EPHA6: variants seen among roughly 807,000 people sequenced by gnomAD.
EPHA6 encodes ephrin type-A receptor 6.
In EPHA6, 50 loss-of-function variants were observed where a neutral mutation model predicts 112.0. That is an observed-to-expected ratio of 0.45 (90% CI 0.36 to 0.56). The LOEUF (loss-of-function observed/expected upper bound fraction) is 0.56. EPHA6 is among the 20% of genes least tolerant of loss of function. The pLI, the probability that EPHA6 is intolerant of heterozygous loss-of-function variation, is 0.00. For missense variants in EPHA6, 1,280 were observed against 1,417.4 expected, an observed-to-expected ratio of 0.90 and a Z score of 1.56; for synonymous variants, 529 against 490.7, an observed-to-expected ratio of 1.08 and a Z score of -1.03.
intron 12 of EPHA6, among the ~76,000 whole-genome samples, chr3:97,601,413 C>T (rs188037480): frequency 2.1e-4 from 32 of 152,076 alleles, no homozygotes; most frequent in South Asian, 1.2e-3. Flanking sequence ...CATGTTGAGC[C>T]GCACAGGATA....
chr3:97,119,009 C>T (rs2047970406), intron 3 of EPHA6, among the ~76,000 whole-genome samples: 1 of 151,864 alleles, frequency 6.6e-6, no homozygotes, highest in African/African-American at 2.4e-5. Context: ...AAATTTAAGT[C>T]ATTTTTGTAC....
intron 5 of EPHA6, among the ~76,000 whole-genome samples, chr3:97,297,396 G>A (rs1267056219): frequency 1.3e-5 from 2 of 152,104 alleles, no homozygotes; most frequent in African/African-American, 2.4e-5. Context: ...GCTGCCTTCA[G>A]TCAGCCATCT....
chr3:96,974,096 T>C (rs1255186887), intron 2 of EPHA6, among the ~76,000 whole-genome samples: 1 of 146,228 alleles, frequency 6.8e-6, no homozygotes, highest in Non-Finnish European at 1.5e-5. Context: ...TTATAAATAA[T>C]ATAATGAAAT....
At chr3:97,204,239 C>G (rs1459094187) in intron 3 of EPHA6, among the ~76,000 whole-genome samples, 1 of 152,008 alleles carries the variant, frequency 6.6e-6, no homozygotes, top group East Asian at 1.9e-4. Context: ...AATTAATTTC[C>G]TATGTACTAG....
chr3:97,182,940 T>G (rs551423496), intron 3 of EPHA6, among the ~76,000 whole-genome samples: 1 of 152,224 alleles, frequency 6.6e-6, no homozygotes, highest in African/African-American at 2.4e-5. Context: ...TAAAAATGTT[T>G]AAACCTGGCC....
chr3:97,218,299 G>A (rs1469686197), intron 3 of EPHA6, among the ~76,000 whole-genome samples: 4 of 151,866 alleles, frequency 2.6e-5, no homozygotes, highest in Non-Finnish European at 4.4e-5. Context: ...ACCATTCTTA[G>A]CTCTCAGTCT....
chr3:97,731,090 G>T (rs2035012936), intron 15 of EPHA6, among the ~76,000 whole-genome samples: 1 of 151,984 alleles, frequency 6.6e-6, no homozygotes, highest in African/African-American at 2.4e-5. Flanking sequence ...ACTAATGGGG[G>T]GCCTTTGCAG....
intron 2 of EPHA6, among the ~76,000 whole-genome samples, chr3:96,979,324 C>G (rs1057456229): frequency 6.6e-6 from 1 of 150,964 alleles, no homozygotes; most frequent in Non-Finnish European, 1.5e-5. Flanking sequence ...CCTTGCAATA[C>G]TTTGCTGAGA....
chr3:97,506,066 G>A (rs112566951), intron 10 of EPHA6, among the ~76,000 whole-genome samples: 3,860 of 152,052 alleles, frequency 0.025, 163 homozygotes, highest in African/African-American at 0.083. Flanking sequence ...TAAGTTCTTT[G>A]TAGATTCTGG....
chr3:97,439,881 C>A (rs1006582649), intron 6 of EPHA6, among the ~76,000 whole-genome samples: 7 of 152,114 alleles, frequency 4.6e-5, no homozygotes, highest in African/African-American at 1.7e-4. Flanking sequence ...TATGTCAAAG[C>A]AGAAATTTTA....
chr3:97,283,634 A>G (rs998001885), intron 5 of EPHA6, among the ~76,000 whole-genome samples: 1 of 152,112 alleles, frequency 6.6e-6, no homozygotes, highest in Non-Finnish European at 1.5e-5. Context: ...GAGGGAGAGC[A>G]TTGGGATAAA....
At chr3:96,856,636 T>G (rs2035715473) in intron 1 of EPHA6, among the ~76,000 whole-genome samples, 2 of 152,146 alleles carry the variant, frequency 1.3e-5, no homozygotes, top group Admixed American at 1.3e-4. Context: ...AATAGAAAAT[T>G]TATCTGTGTT....
chr3:96,900,826 T>A (rs1248115753), intron 2 of EPHA6, among the ~76,000 whole-genome samples: 1 of 152,230 alleles, frequency 6.6e-6, no homozygotes, highest in African/African-American at 2.4e-5. Flanking sequence ...GGAGGAAACA[T>A]TTGAAGAACA....
intron 3 of EPHA6, among the ~76,000 whole-genome samples, chr3:97,043,676 C>G (rs912247833): frequency 6.6e-6 from 1 of 152,104 alleles, no homozygotes; most frequent in Non-Finnish European, 1.5e-5. Context: ...CCTCAGTGAT[C>G]ATTGCCTTTT....
chr3:97,471,434 C>A (rs1242685823), intron 7 of EPHA6, among the ~76,000 whole-genome samples: 2 of 151,674 alleles, frequency 1.3e-5, no homozygotes, highest in East Asian at 3.9e-4. Flanking sequence ...TACCCTGTGT[C>A]TATGTTAGTG....
intron 11 of EPHA6, among the ~76,000 whole-genome samples, chr3:97,567,240 T>A (rs1431559475): frequency 6.6e-6 from 1 of 152,164 alleles, no homozygotes; most frequent in Non-Finnish European, 1.5e-5. Context: ...TAAATCATTT[T>A]AAAAATATAT....
At chr3:97,142,247 G>C (rs2075926830) in intron 3 of EPHA6, among the ~76,000 whole-genome samples, 1 of 151,946 alleles carries the variant, frequency 6.6e-6, no homozygotes, top group African/African-American at 2.4e-5. Context: ...GTTCTGCTTA[G>C]AAATAACAAC....
At chr3:97,178,285 A>G (rs116428181) in intron 3 of EPHA6, among the ~76,000 whole-genome samples, 6,428 of 152,134 alleles carry the variant, frequency 0.042, 480 homozygotes, top group African/African-American at 0.15. Flanking sequence ...GTTTCTATTT[A>G]TATCTTACGG....
At chr3:97,153,742 C>A (rs550703881) in intron 3 of EPHA6, among the ~76,000 whole-genome samples, 1 of 152,132 alleles carries the variant, frequency 6.6e-6, no homozygotes, top group South Asian at 2.1e-4. Context: ...ATTGTATGGA[C>A]CCTTCCTACT....
Sources: allele counts gnomAD v4.1 joint callset (sites outside exome capture counted in the v4.1 genomes callset), GRCh38; gene constraint gnomAD v4.1.1; transcripts MANE v1.5; gene names NCBI Gene and HGNC (gene_info 2026-07-23, HGNC 2026-07-21).